The following PDE11A variants were observed in gnomAD, a reference collection of about 807,000 sequenced individuals.
PDE11A encodes the protein phosphodiesterase 11A, also known as dual 3',5'-cyclic-AMP and -GMP phosphodiesterase 11A.
A neutral mutation model predicts 100.5 loss-of-function variants in PDE11A; 100 were observed. The ratio of observed to expected loss-of-function variants is 1.00; its 90% CI spans 0.85 to 1.18. The LOEUF is 1.18. Among genes scored for constraint, PDE11A ranks in the 50% most tolerant of loss-of-function variants. PDE11A has a pLI of 0.00. For synonymous variants in PDE11A, 381 were observed against 420.8 expected (o/e 0.91, Z 1.16); for missense variants, 1,141 against 1,152.6 (o/e 0.99, Z 0.15).
At chr2:177,776,993 C>T (rs1022578415) in intron 9 of PDE11A, among the ~76,000 whole-genome samples, 5 of 151,994 alleles carry the variant, frequency 3.3e-5, no homozygotes, top group African/African-American at 1.2e-4. Context: ...GTGGCTTTTC[C>T]CCCTTTTGCT....
At chr2:178,024,389 G>A (rs1023317465) in intron 1 of PDE11A, among the ~76,000 whole-genome samples, 4 of 152,100 alleles carry the variant, frequency 2.6e-5, no homozygotes, top group African/African-American at 9.7e-5. Flanking sequence ...TCCAGCCTGG[G>A]CAACAGAGCA....
chr2:177,705,326 G>A (rs769546930), intron 13 of PDE11A, among the ~76,000 whole-genome samples: 1 of 152,100 alleles, frequency 6.6e-6, no homozygotes, highest in Non-Finnish European at 1.5e-5. Context: ...CATCATATAA[G>A]TGTCTTTGGG....
At position 178,072,009 on chromosome 2, in the gene PDE11A, G is replaced by T. The variant is rs1179785193; in HGVS notation, c.429C>A (p.Ser143=). Residue 143 remains serine, a synonymous_variant, in exon 1 of 20, where the codon TCC becomes TCA. Coordinates refer to ENST00000286063, the MANE Select transcript of PDE11A (RefSeq NM_016953.4). ...CACTACTCAGGGGTTCCTGAGCCCGGGAGGTCACCTGTTCATCGTAGGTCC... is the reference window on the plus strand; with the variant it reads ...CACTACTCAGGGGTTCCTGAGCCCGTGAGGTCACCTGTTCATCGTAGGTCC... ...VNRTYDEQVT[S]RAQEPLSSVR... is the part of the protein sequence containing the mutation. The T allele has an allele frequency of 8.1e-6, 13 of 1,613,984 alleles. No homozygotes were observed. Among genetic ancestry groups the T allele is most frequent in the Non-Finnish European group, 1.1e-5 (13 of 1,180,000 alleles).
intron 16 of PDE11A, among the ~76,000 whole-genome samples, chr2:177,676,730 C>T (rs1169336303): frequency 6.6e-6 from 1 of 152,222 alleles, no homozygotes; most frequent in Non-Finnish European, 1.5e-5. Flanking sequence ...TTTTGACCTT[C>T]TGTATCAGGC....
chr2:177,659,083 AC>A (rs2080434439), intron 19 of PDE11A, among the ~76,000 whole-genome samples: 1 of 151,746 alleles, frequency 6.6e-6, no homozygotes, highest in Admixed American at 6.6e-5. Context: ...ACATGGTGAA[AC>A]CCCATCTCTA....
At chr2:177,983,636 CAT>C (rs2085909301) in intron 2 of PDE11A, among the ~76,000 whole-genome samples, 2 of 151,696 alleles carry the variant, frequency 1.3e-5, no homozygotes, top group African/African-American at 4.8e-5. Flanking sequence ...AACAAACAAA[CAT>C]AAATGCATGA....
chr2:177,888,332 C>T (rs1251759700), intron 4 of PDE11A, among the ~76,000 whole-genome samples: 6 of 152,050 alleles, frequency 3.9e-5, no homozygotes, highest in Non-Finnish European at 5.9e-5. Flanking sequence ...AGCTCAGAAA[C>T]AGACCCAGGT....
chr2:177,787,939 G>A (rs1276095198), intron 9 of PDE11A, among the ~76,000 whole-genome samples: 1 of 151,994 alleles, frequency 6.6e-6, no homozygotes, highest in Non-Finnish European at 1.5e-5. Context: ...AATAATAATG[G>A]GAGACTTTAA....
chr2:177,887,656 A>C (rs1300886045), intron 4 of PDE11A, among the ~76,000 whole-genome samples: 2 of 152,074 alleles, frequency 1.3e-5, no homozygotes, highest in African/African-American at 4.8e-5. Context: ...TGAGAGGCTG[A>C]GGTGGGAGGA....
intron 1 of PDE11A, chr2:178,104,514 T>C (rs1559073073): frequency 1.3e-6 from 2 of 1,542,404 alleles, no homozygotes; most frequent in Admixed American, 1.7e-5. Context: ...CAAAAAAATA[T>C]ATATATTAGA....
At chr2:177,690,149 T>C (rs1264697107) in intron 15 of PDE11A, among the ~76,000 whole-genome samples, 7 of 152,106 alleles carry the variant, frequency 4.6e-5, no homozygotes, top group African/African-American at 9.7e-5. Flanking sequence ...AATGAGTATA[T>C]GGAAAAATTC....
chr2:177,806,784 A>G (rs1222714468), intron 9 of PDE11A, among the ~76,000 whole-genome samples: 3 of 152,092 alleles, frequency 2.0e-5, no homozygotes, highest in Non-Finnish European at 4.4e-5. Context: ...AAGAAATTTT[A>G]GAATATATAG....
chr2:177,828,853 T>C (rs773687029), intron 6 of PDE11A, among the ~76,000 whole-genome samples: 2 of 152,138 alleles, frequency 1.3e-5, no homozygotes, highest in Non-Finnish European at 2.9e-5. Flanking sequence ...AAGGAGACAC[T>C]GAAGAGTGTG....
At chr2:177,958,527 TA>T (rs2085593626) in intron 2 of PDE11A, among the ~76,000 whole-genome samples, 1 of 152,134 alleles carries the variant, frequency 6.6e-6, no homozygotes, top group South Asian at 2.1e-4. Flanking sequence ...CTTGTAACCT[TA>T]AAGAGACAAT....
At chr2:177,700,510 T>C (rs76363509) in intron 14 of PDE11A, among the ~76,000 whole-genome samples, 2,597 of 152,202 alleles carry the variant, frequency 0.017, 65 homozygotes, top group African/African-American at 0.059. Context: ...TTTCTGTTTT[T>C]CTCTGTGGAG....
intron 4 of PDE11A, among the ~76,000 whole-genome samples, chr2:177,877,938 C>G (rs761101521): frequency 4.6e-5 from 7 of 152,194 alleles, no homozygotes; most frequent in Non-Finnish European, 7.4e-5. Flanking sequence ...TTTAAATTAA[C>G]CACTTACAAG....
At chr2:177,770,231 A>G (rs1389182204) in intron 9 of PDE11A, among the ~76,000 whole-genome samples, 2 of 152,202 alleles carry the variant, frequency 1.3e-5, no homozygotes, top group African/African-American at 4.8e-5. Flanking sequence ...TTCAACAGCA[A>G]TCACATAGTT....
chr2:177,770,140 C>T (rs1414995117), intron 9 of PDE11A, among the ~76,000 whole-genome samples: 1 of 152,132 alleles, frequency 6.6e-6, no homozygotes, highest in South Asian at 2.1e-4. Flanking sequence ...GATTGTGCTT[C>T]CCTGCCCTAT....
Position 177,732,648 on chromosome 2 carries a change from T to C in PDE11A, c.1789-4476A>G, listed in dbSNP as rs554609803. 2.0e-5 allele frequency among the ~76,000 whole-genome samples: 3 copies of C among 152,310 alleles called. No individual in the cohort carries two copies. In the South Asian group the frequency reaches 6.2e-4, roughly 32 times the overall value. The stretch of plus-strand genomic sequence containing the variant: ...TAATTATCTTAAAAATTAAAGAATA[T>C]AGGAATTTTTTCATTATGAAGTGTT... On this transcript the variant is annotated intron_variant, in intron 10 of 19. Coordinates refer to ENST00000286063, the MANE Select transcript of PDE11A (RefSeq NM_016953.4).
Sources: gnomAD v4.1 joint callset for allele counts (sites outside exome capture counted in the v4.1 genomes callset) on GRCh38, gnomAD v4.1.1 for gene constraint, MANE v1.5 for transcripts, NCBI Gene and HGNC (gene_info 2026-07-23, HGNC 2026-07-21) for gene names.